Variants in MTUS1 observed in about 807,000 individuals in gnomAD.
The protein encoded by MTUS1 is microtubule-associated tumor suppressor 1.
Under a neutral mutation model 120.8 loss-of-function variants are expected in MTUS1, and 109 were observed. The ratio of observed to expected loss-of-function variants is 0.90; its 90% CI spans 0.77 to 1.06. The LOEUF (loss-of-function observed/expected upper bound fraction) is 1.06, where lower values mean the gene tolerates loss of function less well. Ranked by LOEUF, MTUS1 falls within the 50% of genes least tolerant of loss-of-function variation. The pLI is 0.00. For synonymous variants in MTUS1, 737 were observed against 550.5 expected, an observed-to-expected ratio of 1.34 and a Z score of -4.74; for missense variants, 2,210 against 1,486.3, an observed-to-expected ratio of 1.49 and a Z score of -8.01.
chr8:17,735,540 T>A (rs770452065), intron 3 of MTUS1, among the ~76,000 whole-genome samples: 3 of 152,208 alleles, frequency 2.0e-5, no homozygotes, highest in Non-Finnish European at 2.9e-5. Flanking sequence ...ACTCTGGCCT[T>A]GACGTTCCCC....
At chr8:17,677,494 G>A (rs35211928) in intron 7 of MTUS1, among the ~76,000 whole-genome samples, 82,002 of 152,012 alleles carry the variant, frequency 0.54, 23,753 homozygotes, top group Middle Eastern at 0.68. Context: ...GAGGATGAAA[G>A]AAATTAAAAA....
chr8:17,712,805 G>C (rs1225207276), intron 6 of MTUS1, among the ~76,000 whole-genome samples: 1 of 151,052 alleles, frequency 6.6e-6, no homozygotes, highest in Non-Finnish European at 1.5e-5. Context: ...GGAATGTTAA[G>C]TCCAGTGAAA....
chr8:17,778,443 G>A (rs1017983928), intron 1 of MTUS1, among the ~76,000 whole-genome samples: 14 of 152,306 alleles, frequency 9.2e-5, no homozygotes, highest in African/African-American at 3.1e-4. Context: ...CACAGCTACA[G>A]GTGTTTGTCA....
At chr8:17,675,997 G>C (rs1411786437) in intron 7 of MTUS1, 1 of 455,522 alleles carries the variant, frequency 2.2e-6, no homozygotes, top group African/African-American at 2.0e-5. Context: ...CACAAATACA[G>C]TAATTACATA....
chr8:17,742,291 G>GTT lies in MTUS1; in HGVS notation c.2287+1311_2287+1312dup, dbSNP rs1237059839. On this transcript the variant is annotated intron_variant, in intron 3 of 14. Transcript: ENST00000693296. ...GCTGTTTTTTTTTTTTGTTGTTGTT[G>GTT]TTTTTTTTTTTTTTTTTTTTAGAGA... Among the ~76,000 whole-genome samples, 41 of 94,682 alleles carry GTT rather than the reference G, an allele frequency of 4.3e-4. 1 individual carries two copies. Among genetic ancestry groups the GTT allele is most frequent in the Admixed American group, 1.4e-3 (10 of 7,294 alleles). The allele number at this position is 94,682 out of a possible 152,430, so 62.1% of individuals were successfully genotyped here.
At chr8:17,714,180 C>T (rs1489788343) in intron 5 of MTUS1, among the ~76,000 whole-genome samples, 1 of 152,260 alleles carries the variant, frequency 6.6e-6, no homozygotes, top group African/African-American at 2.4e-5. Flanking sequence ...GATTAACTCC[C>T]TAGGCAAATG....
intron 1 of MTUS1, among the ~76,000 whole-genome samples, chr8:17,796,898 G>C (rs1586464699): frequency 6.6e-6 from 1 of 152,272 alleles, no homozygotes; most frequent in East Asian, 1.9e-4. Context: ...AATCACTTGA[G>C]GTCAGGAATT....
At chr8:17,742,563 C>T (rs2047419136) in intron 3 of MTUS1, among the ~76,000 whole-genome samples, 1 of 152,166 alleles carries the variant, frequency 6.6e-6, no homozygotes, top group East Asian at 1.9e-4. Flanking sequence ...TGTTTCCACC[C>T]AGATCCTCTG....
chr8:17,782,146 CAAT>C (rs1486602285), intron 1 of MTUS1, among the ~76,000 whole-genome samples: 2 of 152,144 alleles, frequency 1.3e-5, no homozygotes, highest in Non-Finnish European at 2.9e-5. Context: ...TCAAACAACT[CAAT>C]GATGGGATTT....
chr8:17,749,228 A>G (rs2048001952), intron 2 of MTUS1, among the ~76,000 whole-genome samples: 1 of 152,100 alleles, frequency 6.6e-6, no homozygotes, highest in South Asian at 2.1e-4. Context: ...AACATTTACA[A>G]TCAACTCCCC....
intron 1 of MTUS1, among the ~76,000 whole-genome samples, chr8:17,784,202 C>A (rs1336155947): frequency 6.6e-6 from 1 of 151,868 alleles, no homozygotes; most frequent in Non-Finnish European, 1.5e-5. Flanking sequence ...ACTGAATCCA[C>A]ATTTACAGTT....
At chr8:17,679,354 CGCGTGT>C (rs748471157) in intron 7 of MTUS1, among the ~76,000 whole-genome samples, 2,255 of 140,186 alleles carry the variant, frequency 0.016, 48 homozygotes, top group African/African-American at 0.055. Context: ...TGTGTGCGCG[CGCGTGT>C]GTGTGTGTGT....
At chr8:17,724,430 A>T (rs1033399029) in intron 3 of MTUS1, among the ~76,000 whole-genome samples, 2 of 152,204 alleles carry the variant, frequency 1.3e-5, no homozygotes, top group African/African-American at 2.4e-5. Flanking sequence ...TTGATAAGCA[A>T]AAATTTCATT....
intron 6 of MTUS1, 146 bp downstream of exon 6, chr8:17,713,068 G>C (rs1000300132): frequency 2.9e-6 from 2 of 696,662 alleles, no homozygotes; most frequent in African/African-American, 1.8e-5. Context: ...TTAATGCTAT[G>C]CGACCCGTCA....
chr8:17,685,510 C>A (rs1815594033), intron 6 of MTUS1, among the ~76,000 whole-genome samples: 1 of 151,992 alleles, frequency 6.6e-6, no homozygotes, highest in Non-Finnish European at 1.5e-5. Context: ...TTCTAACAGT[C>A]TTTCATTACA....
chr8:17,738,856 T>C (rs190189352), intron 3 of MTUS1, among the ~76,000 whole-genome samples: 78 of 152,146 alleles, frequency 5.1e-4, no homozygotes, highest in African/African-American at 1.8e-3. Flanking sequence ...AATTAAACGT[T>C]AGCCTGGTGT....
intron 12 of MTUS1, 50 bp from the exon 13 acceptor site, chr8:17,650,012 C>G: frequency 2.1e-6 from 2 of 962,220 alleles, no homozygotes; most frequent in Admixed American, 1.8e-5. Context: ...AGTTCAAATT[C>G]TTAACAGAAA....
chr8:17,653,001 T>G (rs563742814), intron 12 of MTUS1, among the ~76,000 whole-genome samples, 185 bp downstream of exon 12: 1 of 152,318 alleles, frequency 6.6e-6, no homozygotes, highest in South Asian at 2.1e-4. Flanking sequence ...ATGTCAGATT[T>G]TAGGATGGTA....
intron 8 of MTUS1, among the ~76,000 whole-genome samples, chr8:17,658,024 G>GACACACACACACACACACACAC (rs58132896): frequency 5.3e-4 from 75 of 140,510 alleles, no homozygotes; most frequent in Non-Finnish European, 8.4e-4. Flanking sequence ...TATATATATA[G>GACACACACACACACACACACAC]ACACACACAC....
Sources: gnomAD v4.1 joint callset for allele counts (sites outside exome capture counted in the v4.1 genomes callset) on GRCh38, gnomAD v4.1.1 for gene constraint, MANE v1.5 for transcripts, NCBI Gene and HGNC (gene_info 2026-07-23, HGNC 2026-07-21) for gene names.